Variants in TRABD2B observed in about 807,000 individuals in gnomAD.
TRABD2B encodes TraB domain containing 2B, also known as metalloprotease TIKI2.
In TRABD2B, 14 loss-of-function variants were observed where a neutral mutation model predicts 40.1. The observed-to-expected ratio is 0.35, with a 90% confidence interval of 0.23 to 0.55. The LOEUF is 0.55. Among genes scored for constraint, TRABD2B ranks in the 20% least tolerant of loss-of-function variants. The pLI is 0.90. For missense variants in TRABD2B, 541 were observed against 648.6 expected (o/e 0.83, Z 1.80); for synonymous variants, 263 against 277.0 (o/e 0.95, Z 0.50).
chr1:47,976,711 A>C (rs1645760819), intron 2 of TRABD2B, among the ~76,000 whole-genome samples: 2 of 152,204 alleles, frequency 1.3e-5, no homozygotes, highest in Admixed American at 6.5e-5. Flanking sequence ...TGAGGTAGAT[A>C]GGGATGGAAT....
intron 4 of TRABD2B, among the ~76,000 whole-genome samples, chr1:47,791,328 C>T (rs1442304607): frequency 6.6e-6 from 1 of 152,224 alleles, no homozygotes; most frequent in African/African-American, 2.4e-5. Context: ...AGGGGCTTGG[C>T]TCAGACACCT....
intron 2 of TRABD2B, among the ~76,000 whole-genome samples, chr1:47,922,303 A>G (rs1254026722): frequency 1.3e-5 from 2 of 152,190 alleles, no homozygotes; most frequent in Non-Finnish European, 2.9e-5. Context: ...CCCAGGCTCC[A>G]CAAGAGGCCA....
At chr1:47,817,388 G>C (rs2124387442) in intron 2 of TRABD2B, among the ~76,000 whole-genome samples, 1 of 152,168 alleles carries the variant, frequency 6.6e-6, no homozygotes, top group East Asian at 2.0e-4. Flanking sequence ...GGGATTGGGG[G>C]CCCTGAAACG....
chr1:47,950,279 C>T (rs994140834), intron 2 of TRABD2B, among the ~76,000 whole-genome samples: 3 of 151,352 alleles, frequency 2.0e-5, no homozygotes, highest in East Asian at 1.9e-4. Context: ...AGCAAGACTC[C>T]GTCTCAAAAG....
At chr1:47,827,849 T>C (rs1011034313) in intron 2 of TRABD2B, among the ~76,000 whole-genome samples, 1 of 151,782 alleles carries the variant, frequency 6.6e-6, no homozygotes, top group Non-Finnish European at 1.5e-5. Flanking sequence ...CACAATGAGG[T>C]ACCCCCCTTT....
intron 2 of TRABD2B, among the ~76,000 whole-genome samples, chr1:47,937,094 GATC>G (rs1361914880): frequency 8.4e-5 from 6 of 71,504 alleles, no homozygotes; most frequent in Non-Finnish European, 1.2e-4. Context: ...CCACTACCAT[GATC>G]ATCACCACCA....
chr1:47,803,848 G>C (rs1644855282), intron 2 of TRABD2B, among the ~76,000 whole-genome samples: 1 of 152,164 alleles, frequency 6.6e-6, no homozygotes, highest in African/African-American at 2.4e-5. Flanking sequence ...ATAGTTCAAG[G>C]CTGCTCATTG....
intron 2 of TRABD2B, among the ~76,000 whole-genome samples, chr1:47,838,158 A>G (rs1570090876): frequency 6.6e-6 from 1 of 152,108 alleles, no homozygotes; most frequent in Middle Eastern, 3.4e-3. Flanking sequence ...CCTCCCTCTC[A>G]CCCTACCCCA....
At chr1:47,802,274 G>A (rs1338026911) in intron 2 of TRABD2B, among the ~76,000 whole-genome samples, 5 of 152,178 alleles carry the variant, frequency 3.3e-5, no homozygotes, top group South Asian at 2.1e-4. Context: ...CCCAGATCTC[G>A]CCCTCTGGGA....
rs1644424750 is a variant in TRABD2B, at chr1:47,775,046, C to T, written c.1349+124G>A. ...GATGGGAACGTGCTGTAGAAAGCCA[C>T]CTGCCACACTTCCTTAGAGCAGGGC... On this transcript the variant is annotated intron_variant, in intron 6 of 6. Transcript: ENST00000606738. 1.7e-5 allele frequency: 17 copies of T among 977,318 alleles called. No individual in the cohort carries two copies. In the East Asian group the frequency reaches 3.9e-4, roughly 23 times the overall value. The allele number at this position is 977,318 out of a possible 1,614,324, so 60.5% of individuals were successfully genotyped here.
chr1:47,795,976 G>A (rs1644742843), intron 3 of TRABD2B, among the ~76,000 whole-genome samples: 1 of 152,122 alleles, frequency 6.6e-6, no homozygotes, highest in South Asian at 2.1e-4. Flanking sequence ...AGCTTCCTGG[G>A]TTCAGGGACA....
chr1:47,943,561 G>A (rs1248817258), intron 2 of TRABD2B, among the ~76,000 whole-genome samples: 1 of 152,142 alleles, frequency 6.6e-6, no homozygotes, highest in Non-Finnish European at 1.5e-5. Context: ...TAGAAGGACA[G>A]GGTCATATAT....
At chr1:47,947,231 A>G (rs1367674521) in intron 2 of TRABD2B, among the ~76,000 whole-genome samples, 1 of 152,172 alleles carries the variant, frequency 6.6e-6, no homozygotes, top group African/African-American at 2.4e-5. Context: ...ATGAACACCT[A>G]CTAAGTGCCA....
At chr1:47,786,609 C>G (rs1278066681) in intron 4 of TRABD2B, among the ~76,000 whole-genome samples, 1 of 152,238 alleles carries the variant, frequency 6.6e-6, no homozygotes, top group African/African-American at 2.4e-5. Flanking sequence ...TTCTGAAACA[C>G]TTCAGATGCT....
At chr1:47,979,212 C>T (rs1235424175) in intron 2 of TRABD2B, among the ~76,000 whole-genome samples, 1 of 152,128 alleles carries the variant, frequency 6.6e-6, no homozygotes, top group African/African-American at 2.4e-5. Context: ...TTCCTGTTTT[C>T]TACCAGGATA....
chr1:47,974,286 C>T (rs1645723387), intron 2 of TRABD2B, among the ~76,000 whole-genome samples: 1 of 152,116 alleles, frequency 6.6e-6, no homozygotes, highest in African/African-American at 2.4e-5. Context: ...CAGTTACATC[C>T]TTTCTGTCCC....
At position 47,954,661 on chromosome 1, in the gene TRABD2B, C is replaced by A. The variant is rs1022294552; in HGVS notation, c.666+39373G>T. Among the ~76,000 whole-genome samples, 7 of 152,056 alleles carry A rather than the reference C, an allele frequency of 4.6e-5. No homozygotes were observed. The South Asian group carries it at 1.5e-3, about 32-fold the overall frequency. ...TATGTGCATGTCACTGTGTGTGTGT[C>A]TGTATGTGTGTGCCTGTGTGTTGCG... On this transcript the variant is annotated intron_variant, in intron 2 of 6. Coordinates refer to ENST00000606738, the MANE Select transcript of TRABD2B (RefSeq NM_001194986.2).
At chr1:47,773,863 G>C (rs1312342789) in intron 6 of TRABD2B, among the ~76,000 whole-genome samples, 1 of 152,150 alleles carries the variant, frequency 6.6e-6, no homozygotes, top group Non-Finnish European at 1.5e-5. Context: ...TTATTTGCTG[G>C]AAGTCTTTTA....
intron 2 of TRABD2B, among the ~76,000 whole-genome samples, chr1:47,868,756 C>A (rs1286836538): frequency 6.6e-6 from 1 of 152,188 alleles, no homozygotes; most frequent in Non-Finnish European, 1.5e-5. Context: ...TTGGGAACCA[C>A]TGCTCTAAAG....
Sources: allele counts gnomAD v4.1 joint callset (sites outside exome capture counted in the v4.1 genomes callset), GRCh38; gene constraint gnomAD v4.1.1; transcripts MANE v1.5; gene names NCBI Gene and HGNC (gene_info 2026-07-23, HGNC 2026-07-21).